PCDH15: variants seen among roughly 807,000 people sequenced by gnomAD.
PCDH15 encodes the protein protocadherin-15.
A neutral mutation model predicts 178.5 loss-of-function variants in PCDH15; 129 were observed. The observed-to-expected ratio is 0.72, with a 90% CI of 0.63 to 0.84. The LOEUF (loss-of-function observed/expected upper bound fraction) is 0.84. Ranked by LOEUF, PCDH15 falls within the 40% of genes least tolerant of loss-of-function variation. The pLI, the probability that PCDH15 is intolerant of heterozygous loss-of-function variation, is 0.00. For synonymous variants in PCDH15, 800 were observed against 732.0 expected (o/e 1.09, Z -1.50); for missense variants, 2,230 against 2,099.9 (o/e 1.06, Z -1.21).
chr10:53,889,096 C>G (rs1273695897), intron 26 of PCDH15, among the ~76,000 whole-genome samples: 1 of 150,814 alleles, frequency 6.6e-6, no homozygotes, highest in Non-Finnish European at 1.5e-5. Context: ...GACTGTAAAT[C>G]TAAACATAAA....
intron 2 of PCDH15, among the ~76,000 whole-genome samples, chr10:55,103,879 A>G (rs1014908884): frequency 6.6e-6 from 1 of 152,132 alleles, no homozygotes; most frequent in South Asian, 2.1e-4. Context: ...ACAGTTGCTT[A>G]CTGACAAGGT....
intron 3 of PCDH15, among the ~76,000 whole-genome samples, chr10:54,807,328 A>T (rs1313090877): frequency 6.6e-6 from 1 of 152,212 alleles, no homozygotes; most frequent in Non-Finnish European, 1.5e-5. Flanking sequence ...AGCCCCATCA[A>T]ACTACAAGCA....
intron 18 of PCDH15, among the ~76,000 whole-genome samples, chr10:54,057,587 AT>A (rs1055417393): frequency 6.6e-6 from 1 of 151,774 alleles, no homozygotes; most frequent in Non-Finnish European, 1.5e-5. Context: ...CCAGGAAACC[AT>A]TTTTTCCTCC....
At chr10:55,417,588 C>T (rs944010784) in intron 2 of PCDH15, among the ~76,000 whole-genome samples, 1 of 151,200 alleles carries the variant, frequency 6.6e-6, no homozygotes, top group African/African-American at 2.4e-5. Context: ...AGACGAAATG[C>T]TCTTAAAGTT....
At chr10:55,170,893 A>G (rs2132123016) in intron 1 of PCDH15, among the ~76,000 whole-genome samples, 1 of 152,264 alleles carries the variant, frequency 6.6e-6, no homozygotes, top group South Asian at 2.1e-4. Context: ...AAAAAAAGAA[A>G]AAAAGAAAAA....
At chr10:55,605,123 C>T (rs940792653) in intron 2 of PCDH15, among the ~76,000 whole-genome samples, 277 of 151,156 alleles carry the variant, frequency 1.8e-3, no homozygotes, top group Non-Finnish European at 2.8e-3. Flanking sequence ...AACACCTCTA[C>T]GCAAATAAAC....
intron 16 of PCDH15, among the ~76,000 whole-genome samples, chr10:54,088,995 C>T (rs1323898041): frequency 6.6e-6 from 1 of 151,996 alleles, no homozygotes; most frequent in Non-Finnish European, 1.5e-5. Flanking sequence ...TTTCTACATC[C>T]CTATGAGATA....
chr10:54,235,465 C>G (rs1419431338), intron 9 of PCDH15, among the ~76,000 whole-genome samples: 1 of 152,130 alleles, frequency 6.6e-6, no homozygotes, highest in Admixed American at 6.6e-5. Context: ...TATTAAATTT[C>G]ATCCTTTGGC....
intron 2 of PCDH15, among the ~76,000 whole-genome samples, chr10:54,908,596 T>C (rs953491881): frequency 6.6e-6 from 1 of 152,184 alleles, no homozygotes; most frequent in Admixed American, 6.5e-5. Flanking sequence ...AGCTCTAACA[T>C]TTGCCTTGTC....
At chr10:54,693,057 C>G (rs76451125) in intron 1 of PCDH15, among the ~76,000 whole-genome samples, 12,383 of 151,828 alleles carry the variant, frequency 0.082, 567 homozygotes, top group South Asian at 0.15. Context: ...AACAGGCCCT[C>G]GTGTGTATTG....
intron 2 of PCDH15, among the ~76,000 whole-genome samples, chr10:55,439,344 T>A (rs1413672): frequency 1.3e-5 from 2 of 151,922 alleles, no homozygotes; most frequent in African/African-American, 4.8e-5. Context: ...ATCCACCTAA[T>A]CTGACCTTCA....
At chr10:54,731,545 G>GAT (rs1167781763) in intron 1 of PCDH15, among the ~76,000 whole-genome samples, 6 of 80,288 alleles carry the variant, frequency 7.5e-5, no homozygotes, top group South Asian at 1.0e-3. Context: ...ATGTGAGATA[G>GAT]ATATATATAT....
At chr10:55,419,854 CA>C (rs1007427686) in intron 2 of PCDH15, among the ~76,000 whole-genome samples, 8 of 151,292 alleles carry the variant, frequency 5.3e-5, no homozygotes, top group Non-Finnish European at 1.5e-5. Context: ...GGGAAAAGTG[CA>C]AAAAAATATG....
intron 3 of PCDH15, among the ~76,000 whole-genome samples, chr10:54,416,984 A>T (rs1954514783): frequency 6.6e-6 from 1 of 151,798 alleles, no homozygotes; most frequent in African/African-American, 2.4e-5. Flanking sequence ...TTTTCTTGTA[A>T]ATTTGTTTAA....
chr10:55,503,376 A>G (rs1840696444), intron 2 of PCDH15, among the ~76,000 whole-genome samples: 1 of 148,372 alleles, frequency 6.7e-6, no homozygotes, highest in East Asian at 2.0e-4. Context: ...TAAATATTCT[A>G]AATAGCTAAA....
intron 2 of PCDH15, among the ~76,000 whole-genome samples, chr10:55,556,719 C>T (rs1269667405): frequency 1.3e-5 from 2 of 151,990 alleles, no homozygotes; most frequent in Non-Finnish European, 1.5e-5. Flanking sequence ...CGTGTGCGTG[C>T]AATCCCAGCT....
chr10:54,321,012 A>T (rs961352046), intron 7 of PCDH15, among the ~76,000 whole-genome samples: 2 of 151,286 alleles, frequency 1.3e-5, no homozygotes, highest in African/African-American at 4.8e-5. Flanking sequence ...TATATATATA[A>T]ACTGGAAGCT....
At chr10:54,018,711 C>T (rs1216646678) in intron 20 of PCDH15, among the ~76,000 whole-genome samples, 2 of 151,978 alleles carry the variant, frequency 1.3e-5, no homozygotes, top group African/African-American at 2.4e-5. Context: ...TATGTGGTTG[C>T]CAATATTTCA....
At chr10:55,372,189 C>A (rs1032212260) in intron 2 of PCDH15, among the ~76,000 whole-genome samples, 1 of 152,062 alleles carries the variant, frequency 6.6e-6, no homozygotes, top group Non-Finnish European at 1.5e-5. Flanking sequence ...TATTATTTTT[C>A]TACACTTATA....
Sources: gnomAD v4.1 joint callset for allele counts (sites outside exome capture counted in the v4.1 genomes callset) on GRCh38, gnomAD v4.1.1 for gene constraint, MANE v1.5 for transcripts, NCBI Gene and HGNC (gene_info 2026-07-23, HGNC 2026-07-21) for gene names.